ATF1: variants seen among roughly 807,000 people sequenced by gnomAD.
ATF1 encodes activating transcription factor 1, also known as cyclic AMP-dependent transcription factor ATF-1.
A neutral mutation model predicts 34.7 loss-of-function variants in ATF1; 16 were observed. The observed-to-expected ratio is 0.46, with a 90% confidence interval of 0.31 to 0.70. The LOEUF (loss-of-function observed/expected upper bound fraction) is 0.70, where lower values mean the gene tolerates loss of function less well. ATF1 is among the 30% of genes least tolerant of loss of function. The probability of loss-of-function intolerance (pLI) is 0.05; values close to 1 mark genes in which losing one functional copy is unlikely to be tolerated. For missense variants in ATF1, 255 were observed against 321.6 expected, an observed-to-expected ratio of 0.79 and a Z score of 1.58; for synonymous variants, 105 against 113.1, an observed-to-expected ratio of 0.93 and a Z score of 0.46.
intron 2 of ATF1, among the ~76,000 whole-genome samples, chr12:50,784,477 T>C (rs1201371444): frequency 6.6e-6 from 1 of 152,178 alleles, no homozygotes; most frequent in Non-Finnish European, 1.5e-5. Flanking sequence ...TAATATGTGC[T>C]TGATATGGTC....
chr12:50,802,871 CAAAA>C (rs71443203), intron 3 of ATF1, among the ~76,000 whole-genome samples: 1 of 46,912 alleles, frequency 2.1e-5, no homozygotes, highest in East Asian at 8.8e-4. Flanking sequence ...GACTCCATCT[CAAAA>C]AAAAAAAAAA....
At chr12:50,788,903 TA>T (rs1565907466) in intron 2 of ATF1, among the ~76,000 whole-genome samples, 1 of 152,146 alleles carries the variant, frequency 6.6e-6, no homozygotes, top group Non-Finnish European at 1.5e-5. Flanking sequence ...TTTTGCTATT[TA>T]AAATTGACTC....
At chr12:50,770,639 G>A (rs1291179669) in intron 1 of ATF1, among the ~76,000 whole-genome samples, 3 of 152,210 alleles carry the variant, frequency 2.0e-5, no homozygotes, top group Non-Finnish European at 4.4e-5. Flanking sequence ...GTATAATAAA[G>A]CAAGTCAGTC....
At chr12:50,780,734 G>A (rs560522060) in intron 2 of ATF1, among the ~76,000 whole-genome samples, 2 of 151,488 alleles carry the variant, frequency 1.3e-5, no homozygotes, top group East Asian at 1.9e-4. Flanking sequence ...AAGTCAGGGC[G>A]GGCGGATCAC....
At chr12:50,776,698 T>G (rs2139645373) in intron 1 of ATF1, among the ~76,000 whole-genome samples, 1 of 152,270 alleles carries the variant, frequency 6.6e-6, no homozygotes, top group East Asian at 1.9e-4. Flanking sequence ...TTCAGAAAAC[T>G]TTAAATATTT....
At chr12:50,785,688 G>C (rs1307900288) in intron 2 of ATF1, among the ~76,000 whole-genome samples, 1 of 152,102 alleles carries the variant, frequency 6.6e-6, no homozygotes, top group Non-Finnish European at 1.5e-5. Flanking sequence ...TAGTTTGTTG[G>C]CAGAATTCTT....
At chr12:50,787,756 T>C (rs1318794098) in intron 2 of ATF1, among the ~76,000 whole-genome samples, 2 of 148,912 alleles carry the variant, frequency 1.3e-5, no homozygotes, top group African/African-American at 4.9e-5. Context: ...AAAAAAATGG[T>C]GACACAGGTG....
upstream of ATF1, chr12:50,763,618 A>G (rs1166054723): frequency 9.9e-5 from 14 of 141,452 alleles, 1 homozygote; most frequent in East Asian, 4.2e-4. Flanking sequence ...TCAATCTCGG[A>G]AAAAAAAAAG....
Position 50,807,346 on chromosome 12 carries a change from G to A in ATF1, c.195-2110G>A, listed in dbSNP as rs556711480. Among the ~76,000 whole-genome samples, 203 of 152,040 alleles carry A rather than the reference G, an allele frequency of 1.3e-3. 1 individual carries two copies. The highest frequency in any genetic ancestry group is 4.7e-3 in the African/African-American group (195 of 41,480). ...CTTGAGCCTGAGAAGTCACGGTGGGGTGAGCCATGATCATGCCACTGTACT... is the reference window on the plus strand; with the variant it reads ...CTTGAGCCTGAGAAGTCACGGTGGGATGAGCCATGATCATGCCACTGTACT... On this transcript the variant is annotated intron_variant, in intron 3 of 6. Transcript: ENST00000262053.
At chr12:50,804,874 C>A (rs923451968) in intron 3 of ATF1, among the ~76,000 whole-genome samples, 1 of 150,632 alleles carries the variant, frequency 6.6e-6, no homozygotes, top group African/African-American at 2.4e-5. Flanking sequence ...TGCAGTGGCG[C>A]GATCTTGGCT....
chr12:50,786,004 G>A (rs145343096), intron 2 of ATF1, among the ~76,000 whole-genome samples: 170 of 152,256 alleles, frequency 1.1e-3, no homozygotes, highest in African/African-American at 3.9e-3. Flanking sequence ...CACTCTCAAG[G>A]GGAGAGGATT....
At chr12:50,782,381 G>T (rs1302688758) in intron 2 of ATF1, among the ~76,000 whole-genome samples, 3 of 151,428 alleles carry the variant, frequency 2.0e-5, no homozygotes, top group Non-Finnish European at 4.4e-5. Flanking sequence ...TCAGCCTCCC[G>T]AGTAGCTGGG....
intron 3 of ATF1, among the ~76,000 whole-genome samples, chr12:50,798,341 C>T (rs935254697): frequency 6.6e-6 from 1 of 150,936 alleles, no homozygotes; most frequent in East Asian, 2.0e-4. Flanking sequence ...TGGAGTCTCG[C>T]TCTGTCATCC....
chr12:50,814,057 G>A lies in ATF1; in HGVS notation c.376G>A (p.Asp126Asn). 1 of 1,614,176 alleles carries A rather than the reference G, an allele frequency of 6.2e-7. No homozygotes were observed. The change falls in exon 5 of 7, where the codon GAT becomes AAT. Residue 126 changes from aspartate (D) to asparagine (N), a missense_variant. Transcript: ENST00000262053. The stretch of plus-strand genomic sequence containing the variant: ...CTTACAGTTGGCAAGTCCAGGCACA[G>A]ATGGAGTACAGGGACTTCAGACATT... Reference protein sequence around the residue: ...GALQLASPGTDGVQGLQTLTM... With the variant: ...GALQLASPGTNGVQGLQTLTM...
chr12:50,788,177 T>C (rs1018909384), intron 2 of ATF1: 3 of 450,800 alleles, frequency 6.7e-6, no homozygotes, highest in African/African-American at 6.0e-5. Flanking sequence ...TTAACTATTT[T>C]ATAGCCAATC....
At position 50,819,965 on chromosome 12, in the gene ATF1, C is replaced by A; in HGVS notation, c.*186C>A. 4.2e-6 allele frequency: 2 copies of A among 471,966 alleles called. No individual in the cohort carries two copies. Among genetic ancestry groups the A allele is most frequent in the Non-Finnish European group, 7.3e-6 (2 of 272,384 alleles). The allele number at this position is 471,966 out of a possible 1,614,324, so 29.2% of individuals were successfully genotyped here. On this transcript the variant is annotated 3_prime_UTR_variant, in exon 7 of 7. Transcript: ENST00000262053. Reference sequence around the variant, plus strand: ...GTGGAAAATGACCTCAAGGAAGCTACGGGCACAACTGGAAGCTTTGTAGAA... The same window carrying A: ...GTGGAAAATGACCTCAAGGAAGCTAAGGGCACAACTGGAAGCTTTGTAGAA...
At chr12:50,792,818 T>C (rs1430021753) in intron 2 of ATF1, among the ~76,000 whole-genome samples, 1 of 152,154 alleles carries the variant, frequency 6.6e-6, no homozygotes, top group African/African-American at 2.4e-5. Context: ...ATTTTCTATA[T>C]GCTTTATGGA....
intron 6 of ATF1, among the ~76,000 whole-genome samples, chr12:50,816,779 G>A (rs1941851727): frequency 6.6e-6 from 1 of 151,646 alleles, no homozygotes; most frequent in Non-Finnish European, 1.5e-5. Flanking sequence ...AGAATCACTT[G>A]AACCTGGAGG....
chr12:50,810,486 G>T (rs1303429356), intron 4 of ATF1, among the ~76,000 whole-genome samples: 1 of 152,142 alleles, frequency 6.6e-6, no homozygotes, highest in Non-Finnish European at 1.5e-5. Context: ...CTCCCAAAGT[G>T]CTGGGATTAC....
Sources: allele counts gnomAD v4.1 joint callset (sites outside exome capture counted in the v4.1 genomes callset), GRCh38; gene constraint gnomAD v4.1.1; transcripts MANE v1.5; gene names NCBI Gene and HGNC (gene_info 2026-07-23, HGNC 2026-07-21).